Variants in GALNT17 observed in about 807,000 individuals in gnomAD.
The protein encoded by GALNT17 is UDP-GalNAc:polypeptide N-acetylgalactosaminyltransferase-like 3.
GALNT17 carries 29 observed loss-of-function variants against 63.7 expected under a neutral mutation model. That is an observed-to-expected ratio of 0.46 (90% CI 0.34 to 0.62). GALNT17 has a LOEUF of 0.62. Ranked by LOEUF, GALNT17 falls within the 20% of genes least tolerant of loss-of-function variation. GALNT17 has a pLI of 0.01. For missense variants in GALNT17, 603 were observed against 799.6 expected (o/e 0.75, Z 2.97); for synonymous variants, 305 against 318.3 (o/e 0.96, Z 0.45).
intron 2 of GALNT17, among the ~76,000 whole-genome samples, chr7:71,370,465 A>G (rs970320136): frequency 6.6e-6 from 1 of 151,440 alleles, no homozygotes; most frequent in Admixed American, 6.6e-5. Flanking sequence ...AAGGCTGGCT[A>G]ATTTTTTAAA....
intron 2 of GALNT17, among the ~76,000 whole-genome samples, chr7:71,384,254 G>A (rs1792898435): frequency 6.6e-6 from 1 of 152,110 alleles, no homozygotes; most frequent in African/African-American, 2.4e-5. Flanking sequence ...TTTATTTTAA[G>A]AACCTGGCTC....
chr7:71,419,817 A>G (rs1451573653), intron 4 of GALNT17, among the ~76,000 whole-genome samples: 3 of 152,224 alleles, frequency 2.0e-5, no homozygotes, highest in African/African-American at 4.8e-5. Context: ...GAAGCCTTGG[A>G]AAATTAGTGC....
At chr7:71,353,299 G>A (rs1255007796) in intron 2 of GALNT17, among the ~76,000 whole-genome samples, 3 of 151,970 alleles carry the variant, frequency 2.0e-5, no homozygotes, top group African/African-American at 7.3e-5. Context: ...AGTGTGAGTT[G>A]CAGACATGAT....
At chr7:71,436,736 TAAAAC>T (rs968204374) in intron 5 of GALNT17, among the ~76,000 whole-genome samples, 9 of 150,604 alleles carry the variant, frequency 6.0e-5, no homozygotes, top group Non-Finnish European at 1.0e-4. Flanking sequence ...AAATAAAAAA[TAAAAC>T]AAAAATAAAT....
chr7:71,624,226 A>T (rs1790338655), intron 6 of GALNT17, among the ~76,000 whole-genome samples: 1 of 152,210 alleles, frequency 6.6e-6, no homozygotes, highest in Admixed American at 6.5e-5. Context: ...AACATTGGGA[A>T]GTTAGGGAGC....
At chr7:71,162,768 A>G (rs1788372351) in intron 1 of GALNT17, among the ~76,000 whole-genome samples, 1 of 152,202 alleles carries the variant, frequency 6.6e-6, no homozygotes, top group Non-Finnish European at 1.5e-5. Flanking sequence ...GGATGCACAG[A>G]GGAGAGAGAA....
intron 3 of GALNT17, among the ~76,000 whole-genome samples, chr7:71,392,705 A>G (rs1793071690): frequency 6.6e-6 from 1 of 152,138 alleles, no homozygotes; most frequent in African/African-American, 2.4e-5. Flanking sequence ...GCCAGACCAT[A>G]AATCAATATC....
rs556894205 is a variant in GALNT17, at chr7:71,538,643, TGTG to T, written c.963-32637_963-32635del. Among the ~76,000 whole-genome samples the T allele has an allele frequency of 7.2e-5, 11 of 152,290 alleles. 1 individual carries two copies. The highest frequency in any genetic ancestry group is 3.4e-3 in the Middle Eastern group (1 of 294). ...TTATCAACCTCCCTTTTTTTGGTAA[TGTG>T]GTGGCAGGAACAGCTTTTCCACTGT... On this transcript the variant is annotated intron_variant, in intron 5 of 10. Coordinates refer to ENST00000333538, the MANE Select transcript of GALNT17 (RefSeq NM_022479.3).
chr7:71,223,167 G>A (rs560262601), intron 1 of GALNT17, among the ~76,000 whole-genome samples: 171 of 152,194 alleles, frequency 1.1e-3, no homozygotes, highest in African/African-American at 4.0e-3. Context: ...ATATATACTC[G>A]GAGGCTATGC....
intron 1 of GALNT17, among the ~76,000 whole-genome samples, chr7:71,234,506 A>T (rs1393847285): frequency 6.6e-6 from 1 of 152,092 alleles, no homozygotes; most frequent in East Asian, 1.9e-4. Flanking sequence ...TCAGGTGATC[A>T]GCCCACTTCG....
chr7:71,454,981 A>G (rs1787328662), intron 5 of GALNT17, among the ~76,000 whole-genome samples: 1 of 152,036 alleles, frequency 6.6e-6, no homozygotes, highest in Admixed American at 6.6e-5. Context: ...AGCCTGGGCA[A>G]CATGGTGAAA....
chr7:71,571,798 A>G (rs748447940), intron 6 of GALNT17, among the ~76,000 whole-genome samples: 3 of 152,170 alleles, frequency 2.0e-5, no homozygotes, highest in Non-Finnish European at 4.4e-5. Context: ...GCGATCACTT[A>G]AGACCAGGCA....
chr7:71,672,764 T>C (rs1490627576), intron 8 of GALNT17, among the ~76,000 whole-genome samples: 1 of 152,178 alleles, frequency 6.6e-6, no homozygotes, highest in East Asian at 1.9e-4. Flanking sequence ...TTGGCCAGGC[T>C]GCTCTTGAAC....
At chr7:71,369,096 G>A (rs536503151) in intron 2 of GALNT17, among the ~76,000 whole-genome samples, 118 of 152,274 alleles carry the variant, frequency 7.7e-4, no homozygotes, top group African/African-American at 2.7e-3. Flanking sequence ...ACAATTATAG[G>A]TTCTTCAATA....
intron 2 of GALNT17, among the ~76,000 whole-genome samples, chr7:71,348,440 T>C (rs1792133114): frequency 6.6e-6 from 1 of 152,160 alleles, no homozygotes; most frequent in Non-Finnish European, 1.5e-5. Flanking sequence ...CCATCAAGAT[T>C]CCCCTCTGTT....
chr7:71,429,858 C>T (rs1220382260), intron 5 of GALNT17, among the ~76,000 whole-genome samples: 1 of 152,176 alleles, frequency 6.6e-6, no homozygotes, highest in Non-Finnish European at 1.5e-5. Flanking sequence ...CAGTGCCCAC[C>T]ACCACACCCA....
intron 7 of GALNT17, among the ~76,000 whole-genome samples, chr7:71,668,084 C>T (rs953408066): frequency 2.0e-5 from 3 of 152,124 alleles, no homozygotes; most frequent in Non-Finnish European, 4.4e-5. Flanking sequence ...CAGGTGTGAG[C>T]CACTGCGCCT....
At chr7:71,528,951 A>G (rs964829624) in intron 5 of GALNT17, among the ~76,000 whole-genome samples, 5 of 152,136 alleles carry the variant, frequency 3.3e-5, no homozygotes, top group Non-Finnish European at 7.3e-5. Context: ...CCTGGCCAAC[A>G]TGGTGAAAGC....
At chr7:71,320,408 GAAAA>G (rs35775246) in intron 1 of GALNT17, among the ~76,000 whole-genome samples, 3 of 143,360 alleles carry the variant, frequency 2.1e-5, no homozygotes, top group Non-Finnish European at 4.6e-5. Context: ...AGCTAATTTT[GAAAA>G]AAAAAAAAAA....
Sources: gnomAD v4.1 joint callset for allele counts (sites outside exome capture counted in the v4.1 genomes callset) on GRCh38, gnomAD v4.1.1 for gene constraint, MANE v1.5 for transcripts, NCBI Gene and HGNC (gene_info 2026-07-23, HGNC 2026-07-21) for gene names.